Variants in LMOD3 observed in about 807,000 individuals in gnomAD.
LMOD3 encodes the protein leiomodin-3.
In LMOD3, 31 loss-of-function variants were observed where a neutral mutation model predicts 41.8. The observed-to-expected ratio is 0.74, with a 90% confidence interval of 0.56 to 1.00. The LOEUF is 1.00. Ranked by LOEUF, LMOD3 falls within the 50% of genes least tolerant of loss-of-function variation. LMOD3 has a pLI of 0.00. For missense variants in LMOD3, 755 were observed against 679.5 expected (o/e 1.11, Z -1.23); for synonymous variants, 292 against 241.9 (o/e 1.21, Z -1.92).
chr3:69,109,771 C>T (rs1480925131), intron 2 of LMOD3, among the ~76,000 whole-genome samples: 1 of 151,988 alleles, frequency 6.6e-6, no homozygotes, highest in East Asian at 1.9e-4. Flanking sequence ...TCAAGTGATT[C>T]ACTTGCTTCG....
rs1035209298 is a variant in LMOD3 at position 69,119,068 on chromosome 3, C to T, written c.1287G>A (p.Gly429=). Residue 429 remains glycine (G), a synonymous_variant, in exon 2 of 3, where the codon GGG becomes GGA. Transcript: ENST00000420581. The part of the protein sequence containing the change: ...MLENGLGLPP[G]MWELLGGPKP... ...TGGGTCCTCCCAACAGCTCCCACAT[C>T]CCAGGGGGCAGCCCCAACCCATTCT... The T allele has an allele frequency of 6.2e-7, 1 of 1,613,654 alleles. No homozygotes were observed. Among genetic ancestry groups the T allele is most frequent in the Non-Finnish European group, 8.5e-7 (1 of 1,179,868 alleles).
At position 69,107,090 on chromosome 3, in the gene LMOD3, G is replaced by T. The variant is rs1455350948; in HGVS notation, c.*2005C>A. On this transcript the variant is annotated 3_prime_UTR_variant, in exon 3 of 3. Coordinates refer to ENST00000420581, the MANE Select transcript of LMOD3 (RefSeq NM_198271.5). The stretch of plus-strand genomic sequence containing the variant: ...ATCAGAGTTTAGCCTCTTAGATGTA[G>T]TATGTGCTAGACACTTGAAGTTTTG... 1 of 151,956 alleles carries T rather than the reference G, an allele frequency of 6.6e-6. No individual in the cohort carries two copies. The highest frequency in any genetic ancestry group is 2.4e-5 in the African/African-American group (1 of 41,348). The allele number at this position is 151,956 out of a possible 1,614,324, so 9.4% of individuals were successfully genotyped here. A position where few individuals can be genotyped will look rare whatever the true frequency, so the allele number is the denominator to read the frequency against.
At position 69,116,457 on chromosome 3, in the gene LMOD3, C is replaced by T. The variant is rs372567629; in HGVS notation, c.1656+2242G>A. Among the ~76,000 whole-genome samples, 14 of 152,270 alleles carry T rather than the reference C, an allele frequency of 9.2e-5. 1 individual carries two copies. The East Asian group carries it at 2.1e-3, about 23-fold the overall frequency. Reference sequence around the variant, plus strand: ...AAAAAGCATGTCAGAGTTCACTTTGCGGCATGTTTTTCTTGAATTATTTTT... The same window carrying T: ...AAAAAGCATGTCAGAGTTCACTTTGTGGCATGTTTTTCTTGAATTATTTTT... On this transcript the variant is annotated intron_variant, in intron 2 of 2. Coordinates refer to ENST00000420581, the MANE Select transcript of LMOD3 (RefSeq NM_198271.5).
At chr3:69,110,299 G>A (rs1340444954) in intron 2 of LMOD3, among the ~76,000 whole-genome samples, 3 of 151,640 alleles carry the variant, frequency 2.0e-5, no homozygotes, top group Non-Finnish European at 1.5e-5. Context: ...GCATGATCCC[G>A]GCTCAAGACA....
At chr3:69,116,027 C>T (rs911304694) in intron 2 of LMOD3, among the ~76,000 whole-genome samples, 16 of 152,104 alleles carry the variant, frequency 1.1e-4, no homozygotes, top group South Asian at 4.1e-4. Flanking sequence ...TAAAGTGAGA[C>T]GGGTATGCAA....
chr3:69,112,894 G>A (rs2092355980), intron 2 of LMOD3, among the ~76,000 whole-genome samples: 2 of 152,138 alleles, frequency 1.3e-5, no homozygotes, highest in African/African-American at 4.8e-5. Context: ...ATGGACTTTA[G>A]AAAAGTGTAT....
chr3:69,113,015 T>C (rs558440671), intron 2 of LMOD3, among the ~76,000 whole-genome samples: 5 of 152,360 alleles, frequency 3.3e-5, no homozygotes, highest in Admixed American at 1.3e-4. Flanking sequence ...TTTTTTCCTA[T>C]GGAGGCTCCC....
rs182119988 is a variant in LMOD3, at chr3:69,115,204, G to A, written c.1656+3495C>T. 2.4e-3 allele frequency among the ~76,000 whole-genome samples: 362 copies of A among 152,148 alleles called. 3 individuals carry two copies. The highest frequency in any genetic ancestry group is 4.7e-3 in the African/African-American group (194 of 41,500). On this transcript the variant is annotated intron_variant, in intron 2 of 2. Transcript: ENST00000420581. ...TACAATTTAAAAAAATTTTTCTGTC[G>A]AGCATGGTGGCTGATGCCTGTAATC...
chr3:69,122,059 G>C (rs1278447665), intron 1 of LMOD3, 34 bp downstream of exon 1: 1 of 1,565,398 alleles, frequency 6.4e-7, no homozygotes, highest in East Asian at 2.3e-5. Flanking sequence ...ATCCCAGGCA[G>C]CCATTTCTCG....
At chr3:69,109,430 G>C (rs2092337878) in intron 2 of LMOD3, among the ~76,000 whole-genome samples, 1 of 151,862 alleles carries the variant, frequency 6.6e-6, no homozygotes, top group South Asian at 2.1e-4. Context: ...TAGTTATGTG[G>C]TGTTGGGCAT....
At position 69,118,904 on chromosome 3, in the gene LMOD3, G is replaced by C. The variant is rs774772637; in HGVS notation, c.1451C>G (p.Ser484Cys). 1 of 1,611,860 alleles carries C rather than the reference G, an allele frequency of 6.2e-7. No individual in the cohort carries two copies. The highest frequency in any genetic ancestry group is 1.7e-5 in the Admixed American group (1 of 59,676). ...QAPKYRTDPDSFRVVKLKRIQ... is the reference protein window; with the variant it reads ...QAPKYRTDPDCFRVVKLKRIQ... ...TCTCTTCAGCTTCACCACCCGGAAG[G>C]AGTCAGGGTCTGTCCTGTACTTCGG... The change falls in exon 2 of 3, where the codon TCC becomes TGC. Residue 484 changes from serine (S) to cysteine (C), a missense_variant. By Grantham distance (112) the Ser-to-Cys change is moderately radical. Transcript: ENST00000420581.
chr3:69,120,726 A>G (rs1261655934), intron 1 of LMOD3, among the ~76,000 whole-genome samples: 1 of 152,010 alleles, frequency 6.6e-6, no homozygotes, highest in Non-Finnish European at 1.5e-5. Flanking sequence ...TCTGTCTAGG[A>G]CAAGTTTACT....
intron 1 of LMOD3, among the ~76,000 whole-genome samples, chr3:69,121,824 TAGAACACAGGCTTTCTGACACAGC>T (rs1229134628): frequency 6.6e-6 from 1 of 152,194 alleles, no homozygotes; most frequent in African/African-American, 2.4e-5. Flanking sequence ...ATCGTGGCAA[TAGAACACAGGCTTTCTGACACAGC>T]AAACCCGACA....
intron 2 of LMOD3, among the ~76,000 whole-genome samples, chr3:69,118,487 A>G (rs1346853822): frequency 6.6e-6 from 1 of 152,112 alleles, no homozygotes; most frequent in Non-Finnish European, 1.5e-5. Context: ...TCGTTGTTAC[A>G]GAAGTCATAT....
chr3:69,122,483 G>T lies in LMOD3; in HGVS notation c.-97C>A. The T allele has an allele frequency of 1.1e-6, 1 of 928,784 alleles. No individual in the cohort carries two copies. The allele number at this position is 928,784 out of a possible 1,614,324, so 57.5% of individuals were successfully genotyped here. On this transcript the variant is annotated 5_prime_UTR_variant, in exon 1 of 3. Transcript: ENST00000420581. ...GCCTCAAGAAGGTCCCCCAGTTAAC[G>T]AGTGTCCCAAGTTAACACACCCTTG...
rs1345305410 is a variant in LMOD3 at position 69,106,850 on chromosome 3, C to A, written c.*2245G>T. The A allele has an allele frequency of 7.0e-6, 1 of 141,942 alleles. No individual in the cohort carries two copies. Among genetic ancestry groups the A allele is most frequent in the Non-Finnish European group, 1.5e-5 (1 of 66,302 alleles). 8.8% of individuals were successfully genotyped at this position (141,942 alleles called of 1,614,324 possible). A position where few individuals can be genotyped will look rare whatever the true frequency, so the allele number is the denominator to read the frequency against. ...TACAGGCATGAGCTACCATGCCTGG[C>A]TAATTTTGTATTTTTTTTTTTTTTT... is the stretch of plus-strand genomic sequence containing the variant. On this transcript the variant is annotated 3_prime_UTR_variant, in exon 3 of 3. Coordinates refer to ENST00000420581, the MANE Select transcript of LMOD3 (RefSeq NM_198271.5).
chr3:69,122,239 C>A lies in LMOD3; in HGVS notation c.148G>T (p.Val50Leu), dbSNP rs144761436. ...GTTTGATCTTTCTGAATCATTCCCA[C>A]GGGAAGGCTGGGGTCAGGGGCCATG... ...EVMAPDPSLP[V>L]GMIQKDQTDK... The change falls in exon 1 of 3, where the codon GTG becomes TTG. Residue 50 changes from valine (V) to leucine (L), a missense_variant. Transcript: ENST00000420581. 1.2e-6 allele frequency: 2 copies of A among 1,613,488 alleles called. No homozygotes were observed. The highest frequency in any genetic ancestry group is 2.7e-5 in the African/African-American group (2 of 74,896).
intron 2 of LMOD3, among the ~76,000 whole-genome samples, chr3:69,109,458 A>G (rs1037522173): frequency 2.6e-5 from 4 of 152,066 alleles, no homozygotes; most frequent in Admixed American, 2.6e-4. Flanking sequence ...CTCAGCTGTA[A>G]AATGATAATA....
chr3:69,115,330 C>CA (rs151080184), intron 2 of LMOD3, among the ~76,000 whole-genome samples: 14,183 of 150,794 alleles, frequency 0.094, 950 homozygotes, highest in Middle Eastern at 0.15. Context: ...AATTAAAAAA[C>CA]AAAAAAAAAT....
Sources: allele counts gnomAD v4.1 joint callset (sites outside exome capture counted in the v4.1 genomes callset), GRCh38; gene constraint gnomAD v4.1.1; transcripts MANE v1.5; gene names NCBI Gene and HGNC (gene_info 2026-07-23, HGNC 2026-07-21).